The following MIER1 variants were observed in gnomAD, a reference collection of about 807,000 sequenced individuals.
The protein encoded by MIER1 is mesoderm induction early response protein 1.
MIER1 carries 40 observed loss-of-function variants against 75.7 expected under a neutral mutation model. That is an observed-to-expected ratio of 0.53 (90% CI 0.41 to 0.69). The LOEUF is 0.69. Among genes scored for constraint, MIER1 ranks in the 30% least tolerant of loss-of-function variants. MIER1 has a pLI of 0.00. For synonymous variants in MIER1, 213 were observed against 223.4 expected (o/e 0.95, Z 0.42); for missense variants, 574 against 680.2 (o/e 0.84, Z 1.74).
At chr1:66,944,123 C>T (rs1237997969) in intron 3 of MIER1, among the ~76,000 whole-genome samples, 1 of 151,718 alleles carries the variant, frequency 6.6e-6, no homozygotes, top group African/African-American at 2.4e-5. Flanking sequence ...AAAAATGATT[C>T]TTTTGAAAAT....
chr1:66,926,235 T>C lies in MIER1; in HGVS notation c.161T>C (p.Val54Ala). 6.2e-7 allele frequency: 1 copy of C among 1,612,144 alleles called. No individual in the cohort carries two copies. Among genetic ancestry groups the C allele is most frequent in the Non-Finnish European group, 8.5e-7 (1 of 1,178,286 alleles). ...AGGTTCAATGCAGACAAGACGGATG[T>C]GATGCTGGTAGGCAGGGGTACACTT... is the stretch of plus-strand genomic sequence containing the variant. ...WLRFNADKTD[V>A]MLPSVESSSP... The change falls in exon 2 of 14, where the codon GTG becomes GCG. Residue 54 changes from valine (V) to alanine (A), a missense_variant. Physicochemically the swap from Val to Ala is moderately conservative, Grantham distance 64. This residue lies in a region of MIER1 where 309 missense variants were observed against 352.8 expected (regional missense o/e 0.88). Transcript: ENST00000401041.
intron 8 of MIER1, among the ~76,000 whole-genome samples, chr1:66,967,680 T>C (rs889560682): frequency 1.3e-5 from 2 of 151,990 alleles, no homozygotes; most frequent in Non-Finnish European, 2.9e-5. Flanking sequence ...TAATTTCTTT[T>C]GTCAATATTT....
chr1:66,976,493 C>T, intron 11 of MIER1, 102 bp from the exon 12 acceptor site: 1 of 1,050,038 alleles, frequency 9.5e-7, no homozygotes, highest in South Asian at 1.7e-5. Context: ...GATTATATTT[C>T]AGTTAAGGAC....
intron 4 of MIER1, among the ~76,000 whole-genome samples, chr1:66,951,839 G>T (rs1216985109): frequency 6.6e-6 from 1 of 152,056 alleles, no homozygotes; most frequent in South Asian, 2.1e-4. Flanking sequence ...ACAGGATGCT[G>T]TATACTTAAC....
chr1:66,977,358 C>A (rs1664932704), intron 12 of MIER1, among the ~76,000 whole-genome samples: 3 of 152,104 alleles, frequency 2.0e-5, no homozygotes, highest in Admixed American at 2.0e-4. Context: ...GATCCACCTG[C>A]CTCAGCCTCC....
intron 8 of MIER1, among the ~76,000 whole-genome samples, chr1:66,964,651 C>T (rs1241948041): frequency 6.6e-6 from 1 of 150,568 alleles, no homozygotes; most frequent in East Asian, 2.0e-4. Context: ...GAGGTTTCTC[C>T]ATGTCGGTCA....
intron 13 of MIER1, 98 bp downstream of exon 13, chr1:66,982,016 A>G: frequency 8.0e-7 from 1 of 1,248,836 alleles, no homozygotes; most frequent in Non-Finnish European, 1.1e-6. Flanking sequence ...AAACTTCCAG[A>G]GCAGAAAGTA....
chr1:66,954,931 A>G (rs1659782971), intron 4 of MIER1, among the ~76,000 whole-genome samples: 1 of 151,718 alleles, frequency 6.6e-6, no homozygotes, highest in Admixed American at 6.6e-5. Context: ...CTGGTCTCGA[A>G]CTCCTGACCT....
chr1:66,934,405 CTTTT>C (rs34839262), intron 2 of MIER1, among the ~76,000 whole-genome samples: 1 of 135,508 alleles, frequency 7.4e-6, no homozygotes. Context: ...TTCTTTCTTT[CTTTT>C]TTTTTTTTTT....
intron 4 of MIER1, among the ~76,000 whole-genome samples, chr1:66,953,740 A>G (rs983383738): frequency 2.0e-5 from 3 of 151,768 alleles, no homozygotes; most frequent in African/African-American, 7.3e-5. Context: ...AGTAGCTGGG[A>G]TTACATGCCC....
intron 2 of MIER1, among the ~76,000 whole-genome samples, chr1:66,939,115 A>G (rs1252933019): frequency 6.6e-6 from 1 of 152,108 alleles, no homozygotes; most frequent in Non-Finnish European, 1.5e-5. Context: ...GTATTTTCTA[A>G]TGGGCATGAA....
chr1:66,953,612 T>A (rs867678950), intron 4 of MIER1, among the ~76,000 whole-genome samples: 117 of 149,614 alleles, frequency 7.8e-4, no homozygotes, highest in Non-Finnish European at 1.2e-3. Context: ...TTTTTTTTTT[T>A]AATATTCTTG....
chr1:66,959,579 T>G, intron 6 of MIER1, 100 bp from the exon 7 acceptor site: 3 of 610,660 alleles, frequency 4.9e-6, no homozygotes, highest in Non-Finnish European at 5.7e-6. Flanking sequence ...TTAGATATCT[T>G]TGAGCATATC....
chr1:66,938,431 A>C (rs1655426188), intron 2 of MIER1, among the ~76,000 whole-genome samples: 1 of 152,220 alleles, frequency 6.6e-6, no homozygotes, highest in Non-Finnish European at 1.5e-5. Context: ...GATGATCATT[A>C]ACATTGCTTG....
At chr1:66,930,638 T>TG (rs1652999348) in intron 2 of MIER1, among the ~76,000 whole-genome samples, 1 of 150,442 alleles carries the variant, frequency 6.6e-6, no homozygotes, top group Non-Finnish European at 1.5e-5. Context: ...TGAAGGGTAG[T>TG]GCAGCGTAGT....
chr1:66,934,300 C>T (rs1432803265), intron 2 of MIER1, among the ~76,000 whole-genome samples: 1 of 151,994 alleles, frequency 6.6e-6, no homozygotes, highest in Non-Finnish European at 1.5e-5. Flanking sequence ...AGAGAGTTTA[C>T]GTAGTTTGTC....
In MIER1 at chr1:66,985,814, ATTT is replaced by A. The variant is rs150870135; in HGVS notation, c.*935_*937del. On this transcript the variant is annotated 3_prime_UTR_variant, in exon 14 of 14. Transcript: ENST00000401041. ...TAAAGCATTCATAAAGGATTATAAA[ATTT>A]TTTTTTTTTTTTTTTTTTTTAAATT... is the stretch of plus-strand genomic sequence containing the variant. 115,501 of 619,122 alleles carry A rather than the reference ATTT, an allele frequency of 0.19. 6,193 individuals are homozygous for A. Among genetic ancestry groups the A allele is most frequent in the African/African-American group, 0.43 (19,658 of 45,502 alleles). 38.4% of individuals were successfully genotyped at this position (619,122 alleles called of 1,614,324 possible). A position where few individuals can be genotyped will look rare whatever the true frequency, so the allele number is the denominator to read the frequency against.
intron 7 of MIER1, among the ~76,000 whole-genome samples, chr1:66,962,010 C>G (rs1661343341): frequency 6.6e-6 from 1 of 152,312 alleles, no homozygotes; most frequent in Admixed American, 6.5e-5. Flanking sequence ...TTTCCAAATC[C>G]TAAGAGTTAC....
At chr1:66,957,350 G>A (rs1444480793) in intron 4 of MIER1, among the ~76,000 whole-genome samples, 1 of 152,168 alleles carries the variant, frequency 6.6e-6, no homozygotes, top group Admixed American at 6.6e-5. Context: ...GGCTTTTGGA[G>A]TTAGACTGTT....
Sources: gnomAD v4.1 joint callset for allele counts (sites outside exome capture counted in the v4.1 genomes callset) on GRCh38, gnomAD v4.1.1 for gene constraint, gnomAD v4.1.1 regional missense constraint, MANE v1.5 for transcripts, NCBI Gene and HGNC (gene_info 2026-07-23, HGNC 2026-07-21) for gene names.